The following DIP2A variants were observed in gnomAD, a reference collection of about 807,000 sequenced individuals.
DIP2A encodes the protein DIP2 acetate--CoA ligase A, also known as disco-interacting protein 2 homolog A.
DIP2A carries 85 observed loss-of-function variants against 177.4 expected under a neutral mutation model. The observed-to-expected ratio is 0.48, with a 90% CI of 0.40 to 0.57. The LOEUF is 0.57. DIP2A is among the 20% of genes least tolerant of loss of function. DIP2A has a pLI of 0.00. For missense variants in DIP2A, 1,791 were observed against 2,100.2 expected, an observed-to-expected ratio of 0.85 and a Z score of 2.88; for synonymous variants, 886 against 881.8, an observed-to-expected ratio of 1.00 and a Z score of -0.08.
intron 6 of DIP2A, among the ~76,000 whole-genome samples, chr21:46,504,918 C>T (rs767994016): frequency 2.6e-5 from 4 of 152,200 alleles, no homozygotes; most frequent in African/African-American, 9.6e-5. Flanking sequence ...ACTGTGAAAT[C>T]GGTGCAACAG....
chr21:46,582,241 TGC>T, the DIP2A span, among the ~76,000 whole-genome samples: 1 of 152,208 alleles, frequency 6.6e-6, no homozygotes, highest in Admixed American at 6.5e-5. Context: ...ACAGCCACTG[TGC>T]TGTGCTGTGG....
chr21:46,517,054 CTTTTTTT>C (rs71318086), intron 8 of DIP2A, among the ~76,000 whole-genome samples: 22 of 60,880 alleles, frequency 3.6e-4, no homozygotes, highest in East Asian at 6.6e-4. Context: ...TTTTCTCTCT[CTTTTTTT>C]TTTTTTTTTT....
In DIP2A at chr21:46,563,287, A is replaced by ACAAG. The variant is rs1385174903; in HGVS notation, c.4090-568_4090-565dup. The stretch of plus-strand genomic sequence containing the variant: ...TACGTGAGGAAACTGAGGACACAGA[A>ACAAG]CAAGCATCCAGGCCTTGTGCAGTCA... On this transcript the variant is annotated intron_variant, in intron 34 of 37. Transcript: ENST00000417564. This position sits in a 1 kb window ranked among gnomAD's most constrained non-coding sequence, Gnocchi z 4.3. Among the ~76,000 whole-genome samples the ACAAG allele has an allele frequency of 6.6e-6, 1 of 152,182 alleles. No individual in the cohort carries two copies. Among genetic ancestry groups the ACAAG allele is most frequent in the Non-Finnish European group, 1.5e-5 (1 of 68,024 alleles).
chr21:46,498,598 A>C lies in DIP2A; in HGVS notation c.420A>C (p.Ser140=). 1 of 1,609,140 alleles carries C rather than the reference A, an allele frequency of 6.2e-7. No homozygotes were observed. The highest frequency in any genetic ancestry group is 8.5e-7 in the Non-Finnish European group (1 of 1,176,614). ...TAACCACAGACACGTCGTCTGCCTC[A>C]GAAGATGAGGGCTCTTTACGGCGAC... ...TYTPPDTSSA[S]EDEGSLRRPG... The change falls in exon 5 of 38, where the codon TCA becomes TCC. Residue 140 remains serine, a synonymous_variant. Coordinates refer to ENST00000417564, the MANE Select transcript of DIP2A (RefSeq NM_015151.4). The surrounding 1 kb of genome is among the most constrained non-coding windows in gnomAD (Gnocchi z 4.3).
intron 1 of DIP2A, among the ~76,000 whole-genome samples, chr21:46,477,251 G>A (rs893939680): frequency 5.3e-5 from 8 of 151,922 alleles, no homozygotes; most frequent in Non-Finnish European, 1.0e-4. Context: ...AGATTTATAC[G>A]TATATATTTT....
chr21:46,468,138 T>C (rs2055008461), intron 1 of DIP2A, among the ~76,000 whole-genome samples: 1 of 151,300 alleles, frequency 6.6e-6, no homozygotes, highest in Non-Finnish European at 1.5e-5. Flanking sequence ...TGGGGGCAAG[T>C]ACCTATAATC....
intron 1 of DIP2A, among the ~76,000 whole-genome samples, chr21:46,479,944 G>A (rs180914252): frequency 9.8e-4 from 149 of 152,206 alleles, no homozygotes; most frequent in African/African-American, 3.2e-3. Context: ...AAATCTCTAC[G>A]TGCTTATATT....
Position 46,556,196 on chromosome 21 carries a change from A to G in DIP2A, c.3498+105A>G. 2.1e-6 allele frequency: 3 copies of G among 1,398,604 alleles called. No homozygotes were observed. Among genetic ancestry groups the G allele is most frequent in the Non-Finnish European group, 3.0e-6 (3 of 995,126 alleles). 86.6% of individuals were successfully genotyped at this position (1,398,604 alleles called of 1,614,324 possible). A position where few individuals can be genotyped will look rare whatever the true frequency, so the allele number is the denominator to read the frequency against. ...AAACTGACAGGTCCTTCTTATGCAA[A>G]GCACAAAGCAACAATTTTGCTTCTT... On this transcript the variant is annotated intron_variant, in intron 29 of 37. Coordinates refer to ENST00000417564, the MANE Select transcript of DIP2A (RefSeq NM_015151.4). The surrounding 1 kb of genome is among the most constrained non-coding windows in gnomAD (Gnocchi z 4.5).
At position 46,557,382 on chromosome 21, in the gene DIP2A, G is replaced by A. The variant is rs1455980805; in HGVS notation, c.3630-203G>A. 8 of 688,222 alleles carry A rather than the reference G, an allele frequency of 1.2e-5. No individual in the cohort carries two copies. The highest frequency in any genetic ancestry group is 1.9e-5 in the Non-Finnish European group (8 of 421,152). The allele number at this position is 688,222 out of a possible 1,614,324, so 42.6% of individuals were successfully genotyped here. A position where few individuals can be genotyped will look rare whatever the true frequency, so the allele number is the denominator to read the frequency against. ...GTCCCCGGATCCTCTCCAAGTGTTCGGAGCAGAGCTCAGAACCCCGTGCCT... is the reference window on the plus strand; with the variant it reads ...GTCCCCGGATCCTCTCCAAGTGTTCAGAGCAGAGCTCAGAACCCCGTGCCT... On this transcript the variant is annotated intron_variant, in intron 30 of 37. Transcript: ENST00000417564. The surrounding 1 kb of genome is among the most constrained non-coding windows in gnomAD (Gnocchi z 6.0).
the DIP2A span, among the ~76,000 whole-genome samples, chr21:46,578,306 G>A: frequency 3.5e-4 from 52 of 149,156 alleles, no homozygotes; most frequent in African/African-American, 1.1e-3. Context: ...GCAAGACTCC[G>A]TCTCAAAAAA....
At position 46,498,460 on chromosome 21, in the gene DIP2A, G is replaced by A. The variant is rs187224700; in HGVS notation, c.404-122G>A. On this transcript the variant is annotated intron_variant, in intron 4 of 37. Coordinates refer to ENST00000417564, the MANE Select transcript of DIP2A (RefSeq NM_015151.4). The surrounding 1 kb of genome is among the most constrained non-coding windows in gnomAD (Gnocchi z 4.3). Reference sequence around the variant, plus strand: ...AGCTGACTGCGTGGCTTTGGGCAGAGCTGTGCCAGGTGTACAGAAGCATGC... The same window carrying A: ...AGCTGACTGCGTGGCTTTGGGCAGAACTGTGCCAGGTGTACAGAAGCATGC... The A allele has an allele frequency of 1.5e-5, 18 of 1,240,034 alleles. No individual in the cohort carries two copies. Among genetic ancestry groups the A allele is most frequent in the Non-Finnish European group, 1.9e-5 (17 of 890,400 alleles). 76.8% of individuals were successfully genotyped at this position (1,240,034 alleles called of 1,614,324 possible).
intron 35 of DIP2A, among the ~76,000 whole-genome samples, chr21:46,564,165 A>G (rs2060761843): frequency 6.6e-6 from 1 of 152,248 alleles, no homozygotes; most frequent in Admixed American, 6.5e-5. Flanking sequence ...GGGAACCCCT[A>G]GGTTTGAGGG....
chr21:46,557,625 G>A lies in DIP2A; in HGVS notation c.3670G>A (p.Glu1224Lys). Reference sequence around the variant, plus strand: ...CCAATCAGTGCTGGTGCCCCCGCTGGAGCTGGAGAGCAACGTGTCCCTGTG... The same window carrying A: ...CCAATCAGTGCTGGTGCCCCCGCTGAAGCTGGAGAGCAACGTGTCCCTGTG... Reference protein sequence around the residue: ...GHQSVLVPPLELESNVSLWLS... With the variant: ...GHQSVLVPPLKLESNVSLWLS... The change falls in exon 31 of 38, where the codon GAG (glutamate) becomes AAG (lysine). Residue 1224 changes from glutamate (E) to lysine (K), a missense_variant. Physicochemically the swap from Glu to Lys is moderately conservative, Grantham distance 56. Coordinates refer to ENST00000417564, the MANE Select transcript of DIP2A (RefSeq NM_015151.4). The surrounding 1 kb of genome is among the most constrained non-coding windows in gnomAD (Gnocchi z 6.0). The A allele has an allele frequency of 6.2e-7, 1 of 1,613,402 alleles. No homozygotes were observed. Among genetic ancestry groups the A allele is most frequent in the Non-Finnish European group, 8.5e-7 (1 of 1,179,798 alleles).
In DIP2A at chr21:46,563,438, A is replaced by C. The variant is rs1209966981; in HGVS notation, c.4090-420A>C. Among the ~76,000 whole-genome samples the C allele has an allele frequency of 1.3e-5, 2 of 152,162 alleles. No individual in the cohort carries two copies. The highest frequency in any genetic ancestry group is 2.1e-4 in the South Asian group (1 of 4,834). ...GTGCTCAGTGGTTGGACTGACTCGG[A>C]GTCACGGGCAGGAAGAACTTCCTCA... On this transcript the variant is annotated intron_variant, in intron 34 of 37. Transcript: ENST00000417564. The surrounding 1 kb of genome is among the most constrained non-coding windows in gnomAD (Gnocchi z 4.3).
chr21:46,481,279 A>C (rs1367091123), intron 1 of DIP2A, among the ~76,000 whole-genome samples: 5 of 152,186 alleles, frequency 3.3e-5, no homozygotes, highest in Non-Finnish European at 7.4e-5. Context: ...ATTTATTCAC[A>C]CTTTTGCAAG....
At chr21:46,459,267 C>G (rs929901590) in intron 1 of DIP2A, 45 bp downstream of exon 1, 1 of 1,461,534 alleles carries the variant, frequency 6.8e-7, no homozygotes, top group Non-Finnish European at 9.1e-7. Context: ...GCCCTCAGCC[C>G]GGTCCCCCGC....
At position 46,464,817 on chromosome 21, in the gene DIP2A, C is replaced by CTTTTTTTTTTTTTTTTTTTTTTTTTTT. The variant is rs1168153777; in HGVS notation, c.91+5596_91+5622dup. 1.1e-4 allele frequency among the ~76,000 whole-genome samples: 8 copies of CTTTTTTTTTTTTTTTTTTTTTTTTTTT among 73,442 alleles called. 1 individual carries two copies. The highest frequency in any genetic ancestry group is 2.0e-4 in the Non-Finnish European group (8 of 40,372). 48.2% of individuals were successfully genotyped at this position (73,442 alleles called of 152,430 possible). ...TCTTCCTTTTTCTTAATATTCATGTCTTTTTTTTTTTTTTTTTTTTTTTTT... is the reference window on the plus strand; with the variant it reads ...TCTTCCTTTTTCTTAATATTCATGTCTTTTTTTTTTTTTTTTTTTTTTTTTTTTTTTTTTTTTTTTTTTTTTTTTTTT... On this transcript the variant is annotated intron_variant, in intron 1 of 37. Transcript: ENST00000417564.
At chr21:46,551,956 G>C in intron 25 of DIP2A, 52 bp downstream of exon 25, 2 of 1,535,698 alleles carry the variant, frequency 1.3e-6, no homozygotes, top group South Asian at 2.4e-5. Context: ...GGCCGGTGGA[G>C]CCCTTTGCTT....
intron 22 of DIP2A, chr21:46,550,193 A>AC (rs1569093316): frequency 2.6e-6 from 2 of 768,186 alleles, no homozygotes; most frequent in Non-Finnish European, 4.0e-6. Flanking sequence ...TATTATATTC[A>AC]CCAGTCTGTG....
Sources: gnomAD v4.1 joint callset for allele counts (sites outside exome capture counted in the v4.1 genomes callset) on GRCh38, gnomAD v4.1.1 for gene constraint, Gnocchi (gnomAD v3.1) non-coding constraint, MANE v1.5 for transcripts, NCBI Gene and HGNC (gene_info 2026-07-23, HGNC 2026-07-21) for gene names.